Variants in LINGO2 observed in about 807,000 individuals in gnomAD.
The protein encoded by LINGO2 is leucine-rich repeat and immunoglobulin-like domain-containing nogo receptor-interacting protein 2.
Under a neutral mutation model 30.6 loss-of-function variants are expected in LINGO2, and 14 were observed. The observed-to-expected ratio is 0.46, with a 90% confidence interval of 0.30 to 0.72. LINGO2 has a LOEUF of 0.72. Ranked by LOEUF, LINGO2 falls within the 30% of genes least tolerant of loss-of-function variation. The pLI, the probability that LINGO2 is intolerant of heterozygous loss-of-function variation, is 0.07. For synonymous variants in LINGO2, 317 were observed against 288.5 expected (o/e 1.10, Z -1.00); for missense variants, 729 against 751.7 (o/e 0.97, Z 0.35).
At chr9:29,095,894 A>C in the LINGO2 span, among the ~76,000 whole-genome samples, 10 of 138,490 alleles carry the variant, frequency 7.2e-5, 1 homozygote, top group African/African-American at 1.4e-4. Context: ...AACTGCTGAG[A>C]GCTTGTGAAG....
chr9:28,851,672 T>G, the LINGO2 span, among the ~76,000 whole-genome samples: 4 of 151,966 alleles, frequency 2.6e-5, no homozygotes, highest in Non-Finnish European at 5.9e-5. Context: ...GGTAATACAG[T>G]AGCCATTATT....
At chr9:28,627,805 T>C (rs1010348562) in intron 1 of LINGO2, among the ~76,000 whole-genome samples, 1 of 152,030 alleles carries the variant, frequency 6.6e-6, no homozygotes, top group Non-Finnish European at 1.5e-5. Context: ...AATCCATTGG[T>C]CATTCTGCAT....
At chr9:28,304,383 T>C (rs530944618) in intron 3 of LINGO2, among the ~76,000 whole-genome samples, 1 of 151,650 alleles carries the variant, frequency 6.6e-6, no homozygotes, top group South Asian at 2.1e-4. Flanking sequence ...ACATGATATG[T>C]ATATATATGT....
the LINGO2 span, among the ~76,000 whole-genome samples, chr9:29,013,619 G>T: frequency 6.6e-6 from 1 of 152,038 alleles, no homozygotes; most frequent in Non-Finnish European, 1.5e-5. Context: ...AAAGAACAAA[G>T]AACTCATAAT....
intron 2 of LINGO2, among the ~76,000 whole-genome samples, chr9:28,469,226 C>T (rs1825427134): frequency 6.7e-6 from 1 of 149,776 alleles, no homozygotes; most frequent in African/African-American, 2.5e-5. Flanking sequence ...AATCAGTGAA[C>T]CTGAAGGAAA....
At chr9:28,305,830 C>T (rs374988362) in intron 3 of LINGO2, among the ~76,000 whole-genome samples, 5 of 152,130 alleles carry the variant, frequency 3.3e-5, no homozygotes, top group African/African-American at 1.2e-4. Context: ...ATTCATTCAT[C>T]TGGTCTTTAA....
chr9:28,793,631 C>T, the LINGO2 span, among the ~76,000 whole-genome samples: 4 of 152,168 alleles, frequency 2.6e-5, no homozygotes, highest in Admixed American at 1.3e-4. Flanking sequence ...AAAGCAGAAT[C>T]CTTTTATCCA....
intron 5 of LINGO2, among the ~76,000 whole-genome samples, chr9:27,997,204 C>T (rs1821709384): frequency 6.6e-6 from 1 of 152,160 alleles, no homozygotes; most frequent in African/African-American, 2.4e-5. Context: ...AATGCATAGG[C>T]CACTCAAGGT....
chr9:27,956,529 A>G (rs1819577991), intron 5 of LINGO2, among the ~76,000 whole-genome samples: 1 of 152,162 alleles, frequency 6.6e-6, no homozygotes, highest in Non-Finnish European at 1.5e-5. Flanking sequence ...TATTTCTTAA[A>G]GAGCAGAAGT....
At chr9:28,943,354 G>C in the LINGO2 span, among the ~76,000 whole-genome samples, 2 of 151,124 alleles carry the variant, frequency 1.3e-5, no homozygotes, top group East Asian at 3.9e-4. Flanking sequence ...AAAGATCCAA[G>C]GAGGTATGCT....
At chr9:28,407,745 A>G (rs1479240451) in intron 2 of LINGO2, among the ~76,000 whole-genome samples, 1 of 152,152 alleles carries the variant, frequency 6.6e-6, no homozygotes, top group Non-Finnish European at 1.5e-5. Flanking sequence ...ATTAAAATCA[A>G]CTGTTAACCT....
chr9:28,877,124 T>A, the LINGO2 span, among the ~76,000 whole-genome samples: 1 of 151,806 alleles, frequency 6.6e-6, no homozygotes, highest in Non-Finnish European at 1.5e-5. Context: ...TAAATTTGTT[T>A]GAGTTCATTT....
At chr9:29,007,786 G>C in the LINGO2 span, among the ~76,000 whole-genome samples, 2 of 152,096 alleles carry the variant, frequency 1.3e-5, no homozygotes, top group South Asian at 4.1e-4. Context: ...TGTTTAGTTT[G>C]AGGTTTAAAG....
At chr9:28,784,803 T>C in the LINGO2 span, among the ~76,000 whole-genome samples, 5 of 151,712 alleles carry the variant, frequency 3.3e-5, no homozygotes, top group Non-Finnish European at 7.4e-5. Flanking sequence ...AATACAAAAG[T>C]TAGCTGGGCG....
intron 3 of LINGO2, among the ~76,000 whole-genome samples, chr9:28,349,362 C>A (rs1404546008): frequency 1.7e-4 from 24 of 140,274 alleles, no homozygotes; most frequent in African/African-American, 6.2e-4. Context: ...GCAGAAGCCT[C>A]AGGAGCCGAT....
intron 5 of LINGO2, among the ~76,000 whole-genome samples, chr9:28,005,919 C>G (rs1822244532): frequency 6.6e-6 from 1 of 151,992 alleles, no homozygotes; most frequent in Non-Finnish European, 1.5e-5. Flanking sequence ...TCTATTAAAG[C>G]CATTAATGGA....
the LINGO2 span, among the ~76,000 whole-genome samples, chr9:28,776,281 T>C: frequency 1.2e-4 from 19 of 152,102 alleles, no homozygotes; most frequent in Admixed American, 2.6e-4. Flanking sequence ...TTTTTCTCTC[T>C]TTTTCTTTCT....
chr9:27,990,766 T>C (rs1019271344), intron 5 of LINGO2, among the ~76,000 whole-genome samples: 1 of 152,094 alleles, frequency 6.6e-6, no homozygotes, highest in Non-Finnish European at 1.5e-5. Context: ...TTAACCACTC[T>C]GATATACTAC....
chr9:28,670,153 AT>A (rs1828957295), intron 1 of LINGO2, 46 bp downstream of exon 3: 1 of 152,164 alleles, frequency 6.6e-6, no homozygotes, highest in African/African-American at 2.4e-5. Context: ...AAAAAATCCT[AT>A]TTCATTTCAT....
Sources: gnomAD v4.1 joint callset for allele counts (sites outside exome capture counted in the v4.1 genomes callset) on GRCh38, gnomAD v4.1.1 for gene constraint, MANE v1.5 for transcripts, NCBI Gene and HGNC (gene_info 2026-07-23, HGNC 2026-07-21) for gene names.